SPAG17: variants seen among roughly 807,000 people sequenced by gnomAD.
The protein encoded by SPAG17 is sperm associated antigen 17, also known as sperm-associated antigen 17.
A neutral mutation model predicts 273.6 loss-of-function variants in SPAG17; 169 were observed. The ratio of observed to expected loss-of-function variants is 0.62; its 90% confidence interval spans 0.55 to 0.70. The LOEUF (loss-of-function observed/expected upper bound fraction) is 0.70, where lower values mean the gene tolerates loss of function less well. Ranked by LOEUF, SPAG17 falls within the 30% of genes least tolerant of loss-of-function variation. SPAG17 has a pLI of 0.00. For synonymous variants in SPAG17, 825 were observed against 873.2 expected, an observed-to-expected ratio of 0.94 and a Z score of 0.97; for missense variants, 2,557 against 2,627.8, an observed-to-expected ratio of 0.97 and a Z score of 0.59.
intron 18 of SPAG17, among the ~76,000 whole-genome samples, chr1:118,063,517 A>G (rs2102042753): frequency 6.6e-6 from 1 of 152,332 alleles, no homozygotes; most frequent in South Asian, 2.1e-4. Flanking sequence ...GGTGCTGGGA[A>G]AACTGGCTAG....
rs1026438542 is a variant in SPAG17 at position 118,167,896 on chromosome 1, C to T, written c.88-16527G>A. On this transcript the variant is annotated intron_variant, in intron 1 of 48. Transcript: ENST00000336338. ...ATTCTCACAATAGTGAGTGGGTTCT[C>T]GTGACATGTGGTCATTTAAAAGTGT... Among the ~76,000 whole-genome samples the T allele has an allele frequency of 2.6e-5, 4 of 152,230 alleles. No homozygotes were observed. In the South Asian group the frequency reaches 6.2e-4, roughly 24 times the overall value.
chr1:117,993,408 T>G (rs190906402), intron 35 of SPAG17, among the ~76,000 whole-genome samples: 1 of 152,298 alleles, frequency 6.6e-6, no homozygotes, highest in Admixed American at 6.5e-5. Flanking sequence ...TTTGTCATCA[T>G]GTAGTACTTA....
At chr1:117,983,700 T>C in intron 42 of SPAG17, 111 bp downstream of exon 42, 1 of 551,544 alleles carries the variant, frequency 1.8e-6, no homozygotes, top group Non-Finnish European at 3.1e-6. Flanking sequence ...CATATGCAGG[T>C]CACTGTAGGC....
intron 34 of SPAG17, among the ~76,000 whole-genome samples, chr1:117,995,871 T>C (rs1162972247): frequency 6.6e-6 from 1 of 152,088 alleles, no homozygotes; most frequent in Non-Finnish European, 1.5e-5. Flanking sequence ...CAAACACCAA[T>C]TTCTTTGAAG....
chr1:118,146,882 A>G (rs1374224109), intron 3 of SPAG17, among the ~76,000 whole-genome samples: 2 of 152,160 alleles, frequency 1.3e-5, no homozygotes, highest in East Asian at 3.8e-4. Flanking sequence ...CTGATGTAAT[A>G]TATGTAAAAG....
At chr1:118,008,402 G>A (rs1312528632) in intron 30 of SPAG17, among the ~76,000 whole-genome samples, 1 of 151,922 alleles carries the variant, frequency 6.6e-6, no homozygotes, top group Non-Finnish European at 1.5e-5. Context: ...AATTCTTCCA[G>A]AAAAAATCTT....
chr1:118,149,247 G>A (rs1046946555), intron 3 of SPAG17, among the ~76,000 whole-genome samples: 1 of 152,172 alleles, frequency 6.6e-6, no homozygotes, highest in African/African-American at 2.4e-5. Flanking sequence ...GAGAGGAATG[G>A]CTTTCTAACT....
Position 118,091,985 on chromosome 1 carries a change from T to C in SPAG17, c.1191A>G (p.Val397=). 1 of 1,613,546 alleles carries C rather than the reference T, an allele frequency of 6.2e-7. No homozygotes were observed. Among genetic ancestry groups the C allele is most frequent in the Non-Finnish European group, 8.5e-7 (1 of 1,179,568 alleles). ...GTGCTTTCTTCTTTCCAGGAGCTGG[T>C]ACAGCAGGTTGTGGAGCCTAGAAAA... is the stretch of plus-strand genomic sequence containing the variant. ...MPTSEAPQPA[V]PAPGKKKAQY... is the part of the protein sequence containing the mutation. The change falls in exon 9 of 49, where the codon GTA becomes GTG. Residue 397 remains valine (V), a synonymous_variant. Coordinates refer to ENST00000336338, the MANE Select transcript of SPAG17 (RefSeq NM_206996.4).
intron 43 of SPAG17, among the ~76,000 whole-genome samples, chr1:117,975,835 T>A (rs1655072527): frequency 6.6e-6 from 1 of 152,238 alleles, no homozygotes; most frequent in Non-Finnish European, 1.5e-5. Context: ...GCCGTATGTG[T>A]ACTACGGCTT....
chr1:118,073,771 A>C, intron 17 of SPAG17, 83 bp downstream of exon 17: 2 of 850,148 alleles, frequency 2.4e-6, no homozygotes, highest in Non-Finnish European at 3.7e-6. Context: ...TGAGAGAATG[A>C]CCTGGAGGTG....
intron 26 of SPAG17, 22 bp downstream of exon 26, chr1:118,028,252 C>T (rs376969976): frequency 1.4e-5 from 22 of 1,601,696 alleles, no homozygotes; most frequent in Admixed American, 3.5e-5. Context: ...TGCTTCCCCA[C>T]CCTACCCCAT....
intron 3 of SPAG17, among the ~76,000 whole-genome samples, chr1:118,148,355 G>C (rs1388172628): frequency 6.6e-6 from 1 of 152,128 alleles, no homozygotes; most frequent in African/African-American, 2.4e-5. Context: ...GTCACAAAGA[G>C]CGAAAAAACA....
At chr1:118,150,472 G>T (rs1247167455) in intron 3 of SPAG17, 71 bp downstream of exon 3, 3 of 766,234 alleles carry the variant, frequency 3.9e-6, no homozygotes, top group Non-Finnish European at 6.1e-6. Flanking sequence ...TTTAAAAATG[G>T]CTATCAAATT....
At chr1:117,959,558 A>T (rs1652752912) in intron 48 of SPAG17, 1 of 1,150,198 alleles carries the variant, frequency 8.7e-7, no homozygotes, top group East Asian at 2.7e-5. Context: ...AGAAGATCGC[A>T]TTGCAGATGA....
intron 3 of SPAG17, among the ~76,000 whole-genome samples, chr1:118,116,165 C>T (rs1022654417): frequency 8.5e-5 from 13 of 152,180 alleles, no homozygotes; most frequent in Non-Finnish European, 1.8e-4. Context: ...AACGCTCTAA[C>T]ATCTGGGCCC....
chr1:118,168,154 G>A (rs779441689), intron 1 of SPAG17, among the ~76,000 whole-genome samples: 3 of 152,144 alleles, frequency 2.0e-5, no homozygotes, highest in Admixed American at 1.3e-4. Flanking sequence ...GGCTTATATT[G>A]ATGAATTGAG....
chr1:118,025,544 G>T, intron 26 of SPAG17, 128 bp from the exon 27 acceptor site: 1 of 783,980 alleles, frequency 1.3e-6, no homozygotes, highest in Non-Finnish European at 1.9e-6. Context: ...GTCTCGCTTT[G>T]TCATCCAGGC....
intron 18 of SPAG17, among the ~76,000 whole-genome samples, chr1:118,065,127 C>T (rs73016187): frequency 0.032 from 4,786 of 151,726 alleles, 256 homozygotes; most frequent in African/African-American, 0.11. Context: ...ATGTTAAGAA[C>T]GAAAAAGAAT....
At chr1:118,024,598 G>A (rs958738845) in intron 27 of SPAG17, among the ~76,000 whole-genome samples, 1 of 151,964 alleles carries the variant, frequency 6.6e-6, no homozygotes. Flanking sequence ...TGGTGGTGTA[G>A]TGTCTACTCA....
Sources: allele counts gnomAD v4.1 joint callset (sites outside exome capture counted in the v4.1 genomes callset), GRCh38; gene constraint gnomAD v4.1.1; transcripts MANE v1.5; gene names NCBI Gene and HGNC (gene_info 2026-07-23, HGNC 2026-07-21).